DENND6A: variants seen among roughly 807,000 people sequenced by gnomAD.
DENND6A encodes protein DENND6A.
DENND6A carries 43 observed loss-of-function variants against 95.5 expected under a neutral mutation model. The ratio of observed to expected loss-of-function variants is 0.45; its 90% CI spans 0.35 to 0.58. DENND6A has a LOEUF of 0.58. Among genes scored for constraint, DENND6A ranks in the 20% least tolerant of loss-of-function variants. The pLI, the probability that DENND6A is intolerant of heterozygous loss-of-function variation, is 0.00. For missense variants in DENND6A, 574 were observed against 736.0 expected, an observed-to-expected ratio of 0.78 and a Z score of 2.55; for synonymous variants, 257 against 260.4, an observed-to-expected ratio of 0.99 and a Z score of 0.13.
At chr3:57,652,629 C>A (rs1393766955) in intron 9 of DENND6A, among the ~76,000 whole-genome samples, 3 of 152,110 alleles carry the variant, frequency 2.0e-5, no homozygotes, top group African/African-American at 7.2e-5. Flanking sequence ...CCAAAAATAC[C>A]TAATTACAAA....
rs2070557053 is a variant in DENND6A at position 57,627,433 on chromosome 3, C to G, written c.*781G>C. On this transcript the variant is annotated 3_prime_UTR_variant, in exon 20 of 20. Transcript: ENST00000311128. ...TGCTAGGATTACAGGCGTGAGCCAC[C>G]ACACCCAGCCTAATGTTTAAATTAG... 6.6e-6 allele frequency: 1 copy of G among 152,092 alleles called. No individual in the cohort carries two copies. The highest frequency in any genetic ancestry group is 1.5e-5 in the Non-Finnish European group (1 of 68,048). The allele number at this position is 152,092 out of a possible 1,614,324, so 9.4% of individuals were successfully genotyped here.
intron 9 of DENND6A, among the ~76,000 whole-genome samples, chr3:57,653,941 CTTTTTTTTT>C (rs1206882170): frequency 5.3e-5 from 4 of 75,822 alleles, no homozygotes; most frequent in South Asian, 1.0e-3. Context: ...TAGAAATTCA[CTTTTTTTTT>C]TTTTTTTTTT....
chr3:57,682,212 C>T (rs1160654067), intron 1 of DENND6A, among the ~76,000 whole-genome samples: 2 of 125,526 alleles, frequency 1.6e-5, no homozygotes, highest in Admixed American at 1.1e-4. Context: ...ACCCGGCAGG[C>T]GGAGGTTTTG....
intron 10 of DENND6A, 60 bp downstream of exon 10, chr3:57,646,256 C>T: frequency 6.5e-7 from 1 of 1,549,150 alleles, no homozygotes; most frequent in South Asian, 1.2e-5. Flanking sequence ...ATATCACCAA[C>T]AGGTTAAGTA....
At chr3:57,662,753 G>A (rs754609255) in intron 5 of DENND6A, among the ~76,000 whole-genome samples, 7 of 151,862 alleles carry the variant, frequency 4.6e-5, no homozygotes, top group Non-Finnish European at 7.4e-5. Flanking sequence ...AGCACAGAGA[G>A]CAAAAATTCA....
At chr3:57,643,209 T>A (rs555072533) in intron 11 of DENND6A, among the ~76,000 whole-genome samples, 3 of 152,094 alleles carry the variant, frequency 2.0e-5, no homozygotes, top group Non-Finnish European at 4.4e-5. Flanking sequence ...TAAAATTTAA[T>A]GTGGGGCATG....
At chr3:57,647,959 G>T (rs978502007) in intron 9 of DENND6A, among the ~76,000 whole-genome samples, 2 of 151,902 alleles carry the variant, frequency 1.3e-5, no homozygotes, top group African/African-American at 2.4e-5. Flanking sequence ...GGGCCCAGTG[G>T]GGATGAGAAA....
At chr3:57,677,419 C>CTTTTTTT (rs71088101) in intron 1 of DENND6A, among the ~76,000 whole-genome samples, 39 of 68,740 alleles carry the variant, frequency 5.7e-4, no homozygotes, top group Non-Finnish European at 7.4e-4. Flanking sequence ...CTTTGTTGTC[C>CTTTTTTT]TTTTTTTTTT....
At chr3:57,690,462 A>G (rs2077252888) in intron 1 of DENND6A, among the ~76,000 whole-genome samples, 1 of 151,890 alleles carries the variant, frequency 6.6e-6, no homozygotes, top group Non-Finnish European at 1.5e-5. Context: ...CGGAGCTTGC[A>G]GGGAGACGAG....
chr3:57,648,172 C>T (rs182246342), intron 9 of DENND6A, among the ~76,000 whole-genome samples: 2 of 152,220 alleles, frequency 1.3e-5, no homozygotes, highest in East Asian at 3.9e-4. Flanking sequence ...TTTCCGAATA[C>T]AAAATTAATG....
At chr3:57,643,213 G>C (rs923328574) in intron 11 of DENND6A, among the ~76,000 whole-genome samples, 3 of 152,022 alleles carry the variant, frequency 2.0e-5, no homozygotes, top group African/African-American at 7.3e-5. Flanking sequence ...ATTTAATGTG[G>C]GGCATGTTAC....
intron 1 of DENND6A, among the ~76,000 whole-genome samples, chr3:57,686,042 C>T (rs1212993685): frequency 6.6e-6 from 1 of 152,062 alleles, no homozygotes; most frequent in Non-Finnish European, 1.5e-5. Context: ...ATGGGTGAGC[C>T]CCAGAATCCT....
intron 3 of DENND6A, among the ~76,000 whole-genome samples, chr3:57,667,800 T>G (rs2071547997): frequency 6.6e-6 from 1 of 152,214 alleles, no homozygotes; most frequent in East Asian, 1.9e-4. Context: ...ACACAGTGGC[T>G]CACGCCCGTA....
Position 57,634,547 on chromosome 3 carries a change from C to A in DENND6A, c.1263+11G>T, listed in dbSNP as rs376946016. The stretch of plus-strand genomic sequence containing the variant: ...AGGAAATTTAAATTAATAATATGAG[C>A]AACTAATTACCTTCTGTAATTGTTT... On this transcript the variant is annotated intron_variant, in intron 14 of 19. Transcript: ENST00000311128. 8.9e-5 allele frequency: 117 copies of A among 1,310,068 alleles called. No homozygotes were observed. The highest frequency in any genetic ancestry group is 1.1e-4 in the Non-Finnish European group (110 of 980,420). 81.2% of individuals were successfully genotyped at this position (1,310,068 alleles called of 1,614,324 possible).
At chr3:57,653,057 A>G (rs1185818261) in intron 9 of DENND6A, among the ~76,000 whole-genome samples, 2 of 152,216 alleles carry the variant, frequency 1.3e-5, no homozygotes, top group Non-Finnish European at 2.9e-5. Flanking sequence ...TTTGTAGGAA[A>G]TAGACTCTAA....
chr3:57,633,731 A>C (rs1426119587), intron 14 of DENND6A, among the ~76,000 whole-genome samples: 2 of 152,050 alleles, frequency 1.3e-5, no homozygotes, highest in African/African-American at 4.8e-5. Context: ...TCTACTAAAA[A>C]ATACAAAAAT....
At chr3:57,650,831 C>A (rs2071193958) in intron 9 of DENND6A, among the ~76,000 whole-genome samples, 1 of 146,562 alleles carries the variant, frequency 6.8e-6, no homozygotes, top group Admixed American at 7.0e-5. Flanking sequence ...GTTGCCCAGA[C>A]TGGAGTGCAA....
At chr3:57,679,706 T>TG (rs1323769206) in intron 1 of DENND6A, 9 of 301,450 alleles carry the variant, frequency 3.0e-5, no homozygotes, top group Non-Finnish European at 3.9e-5. Flanking sequence ...TGCTCACTGA[T>TG]GAAGTGGGGC....
chr3:57,647,825 C>T (rs2071111042), intron 9 of DENND6A, among the ~76,000 whole-genome samples: 2 of 145,244 alleles, frequency 1.4e-5, no homozygotes, highest in South Asian at 4.4e-4. Context: ...GACAGAGTAA[C>T]CTGAATGAGA....
Sources: gnomAD v4.1 joint callset for allele counts (sites outside exome capture counted in the v4.1 genomes callset) on GRCh38, gnomAD v4.1.1 for gene constraint, MANE v1.5 for transcripts, NCBI Gene and HGNC (gene_info 2026-07-23, HGNC 2026-07-21) for gene names.